The following RAB11FIP4 variants were observed in gnomAD, a reference collection of about 807,000 sequenced individuals.
The protein encoded by RAB11FIP4 is RAB11 family interacting protein 4.
In RAB11FIP4, 23 loss-of-function variants were observed where a neutral mutation model predicts 74.3. That is an observed-to-expected ratio of 0.31 (90% CI 0.22 to 0.44). The LOEUF is 0.44. Among genes scored for constraint, RAB11FIP4 ranks in the 20% least tolerant of loss-of-function variants. The pLI is 1.00. For missense variants in RAB11FIP4, 630 were observed against 863.9 expected (o/e 0.73, Z 3.39); for synonymous variants, 360 against 359.9 (o/e 1.00, Z 0.00).
chr17:31,504,665 T>G (rs966318718), intron 3 of RAB11FIP4, among the ~76,000 whole-genome samples: 1 of 152,228 alleles, frequency 6.6e-6, no homozygotes, highest in Non-Finnish European at 1.5e-5. Context: ...CCTTCACAAC[T>G]ATATGCCATT....
intron 1 of RAB11FIP4, among the ~76,000 whole-genome samples, chr17:31,425,577 G>C (rs1382305392): frequency 2.0e-5 from 3 of 152,238 alleles, no homozygotes; most frequent in Admixed American, 2.0e-4. Context: ...CCAGGGGACT[G>C]AGTGGGGGGA....
At chr17:31,451,236 A>C (rs1200125642) in intron 3 of RAB11FIP4, among the ~76,000 whole-genome samples, 1 of 152,080 alleles carries the variant, frequency 6.6e-6, no homozygotes, top group Non-Finnish European at 1.5e-5. Context: ...AGGCAGGTGG[A>C]TCACCTGAGG....
At position 31,536,928 on chromosome 17, in the gene RAB11FIP4, C is replaced by T. The variant is rs1044364628; in HGVS notation, c.*5196C>T. ...AGGTTTCCCATATGACCTCCCTGCCCCGACCTCGTAGGTTGCTCCTTTCCC... is the reference window on the plus strand; with the variant it reads ...AGGTTTCCCATATGACCTCCCTGCCTCGACCTCGTAGGTTGCTCCTTTCCC... On this transcript the variant is annotated 3_prime_UTR_variant, in exon 15 of 15. Transcript: ENST00000621161. 2 of 398,874 alleles carry T rather than the reference C, an allele frequency of 5.0e-6. No individual in the cohort carries two copies. Among genetic ancestry groups the T allele is most frequent in the African/African-American group, 4.1e-5 (2 of 48,630 alleles). 24.7% of individuals were successfully genotyped at this position (398,874 alleles called of 1,614,324 possible).
intron 3 of RAB11FIP4, among the ~76,000 whole-genome samples, chr17:31,442,828 C>T (rs1046679086): frequency 2.0e-5 from 3 of 152,168 alleles, no homozygotes; most frequent in Admixed American, 1.3e-4. Flanking sequence ...GGCGTGATAG[C>T]GCATGCCTGT....
At chr17:31,434,274 G>A (rs1473937273) in intron 3 of RAB11FIP4, 152 bp downstream of exon 3, 1 of 666,456 alleles carries the variant, frequency 1.5e-6, no homozygotes, top group East Asian at 2.7e-5. Context: ...TTTGGAACAG[G>A]AGCCCTGAGT....
chr17:31,528,788 G>C lies in RAB11FIP4; in HGVS notation c.1653+10G>C. 1.2e-6 allele frequency: 2 copies of C among 1,602,846 alleles called. No homozygotes were observed. The highest frequency in any genetic ancestry group is 1.7e-6 in the Non-Finnish European group (2 of 1,174,554). The stretch of plus-strand genomic sequence containing the variant: ...CAAGCGGCTCAAGCAGGTGGGTCTA[G>C]CAGTCTCTGTGTCCAGTGGGGCAGG... On this transcript the variant is annotated intron_variant, in intron 13 of 14. Coordinates refer to ENST00000621161, the MANE Select transcript of RAB11FIP4 (RefSeq NM_032932.6).
chr17:31,490,197 G>A (rs1315787562), intron 3 of RAB11FIP4, among the ~76,000 whole-genome samples: 1 of 152,090 alleles, frequency 6.6e-6, no homozygotes, highest in Non-Finnish European at 1.5e-5. Flanking sequence ...GCATGCTAGT[G>A]CCTTCCTAGC....
At chr17:31,530,262 G>T (rs771014263) in intron 13 of RAB11FIP4, 64 bp from the exon 14 acceptor site, 19 of 1,589,628 alleles carry the variant, frequency 1.2e-5, no homozygotes, top group Admixed American at 1.2e-4. Context: ...ATGTGGAGAA[G>T]TGGGTTCCAG....
chr17:31,496,080 G>C (rs1028237156), intron 3 of RAB11FIP4, among the ~76,000 whole-genome samples: 2 of 152,224 alleles, frequency 1.3e-5, no homozygotes, highest in African/African-American at 4.8e-5. Context: ...AGGTGTCTCA[G>C]ATTTAATGAA....
At chr17:31,493,616 C>A (rs925251424) in intron 3 of RAB11FIP4, among the ~76,000 whole-genome samples, 1 of 152,196 alleles carries the variant, frequency 6.6e-6, no homozygotes, top group Non-Finnish European at 1.5e-5. Flanking sequence ...AAGACACAGA[C>A]ACCTGCATCC....
chr17:31,499,136 G>C (rs1233054452), intron 3 of RAB11FIP4, among the ~76,000 whole-genome samples: 1 of 152,198 alleles, frequency 6.6e-6, no homozygotes, highest in Non-Finnish European at 1.5e-5. Context: ...AGATGCAGTG[G>C]CTGCATGGGA....
At chr17:31,478,655 C>G (rs911910644) in intron 3 of RAB11FIP4, among the ~76,000 whole-genome samples, 1 of 152,234 alleles carries the variant, frequency 6.6e-6, no homozygotes, top group Non-Finnish European at 1.5e-5. Context: ...TGGCCTCATA[C>G]TGCTTAGCTT....
At chr17:31,520,400 GT>G (rs1393379878) in intron 4 of RAB11FIP4, among the ~76,000 whole-genome samples, 12 of 150,946 alleles carry the variant, frequency 7.9e-5, no homozygotes, top group South Asian at 2.1e-4. Context: ...TACTCCGAAT[GT>G]TTTTTTTTCC....
chr17:31,458,644 T>C (rs1045412117), intron 3 of RAB11FIP4, among the ~76,000 whole-genome samples: 9 of 152,158 alleles, frequency 5.9e-5, no homozygotes, highest in Non-Finnish European at 7.4e-5. Flanking sequence ...GTGGGGCTTC[T>C]GGGGGTCTTC....
chr17:31,454,413 A>G (rs1357454425), intron 3 of RAB11FIP4, among the ~76,000 whole-genome samples: 1 of 152,022 alleles, frequency 6.6e-6, no homozygotes, highest in African/African-American at 2.4e-5. Flanking sequence ...AGCTGGGACT[A>G]CAGGTATGTG....
intron 3 of RAB11FIP4, among the ~76,000 whole-genome samples, chr17:31,508,344 A>G (rs9908879): frequency 0.64 from 97,525 of 152,024 alleles, 31,392 homozygotes; most frequent in East Asian, 0.69. Context: ...ACTTGAGTCC[A>G]CTCATGCTCA....
chr17:31,477,916 A>G (rs535313619), intron 3 of RAB11FIP4, among the ~76,000 whole-genome samples: 1 of 151,504 alleles, frequency 6.6e-6, no homozygotes, highest in South Asian at 2.1e-4. Context: ...TGTCGGGAGG[A>G]TTAAATGAGC....
intron 3 of RAB11FIP4, among the ~76,000 whole-genome samples, chr17:31,514,829 C>T (rs550477923): frequency 1.3e-5 from 2 of 152,304 alleles, no homozygotes; most frequent in East Asian, 1.9e-4. Flanking sequence ...AGTGGATGGA[C>T]GTGGAAGTTG....
rs2071117190 is a variant in RAB11FIP4 at position 31,413,396 on chromosome 17, ACACGGAGGG to A, written c.160-18407_160-18399del. ...GCCAGAGATGTCAACAGAGGGCCTCACACGGAGGGCACGGAGGGAGCTGTCCTTCCATAG... is the reference window on the plus strand; with the variant it reads ...GCCAGAGATGTCAACAGAGGGCCTCACACGGAGGGAGCTGTCCTTCCATAG... On this transcript the variant is annotated intron_variant, in intron 1 of 14. Coordinates refer to ENST00000621161, the MANE Select transcript of RAB11FIP4 (RefSeq NM_032932.6). Among the ~76,000 whole-genome samples, 4 of 152,234 alleles carry A rather than the reference ACACGGAGGG, an allele frequency of 2.6e-5. No individual in the cohort carries two copies. In the South Asian group the frequency reaches 8.3e-4, roughly 32 times the overall value.
Sources: allele counts gnomAD v4.1 joint callset (sites outside exome capture counted in the v4.1 genomes callset), GRCh38; gene constraint gnomAD v4.1.1; transcripts MANE v1.5; gene names NCBI Gene and HGNC (gene_info 2026-07-23, HGNC 2026-07-21).